KCNJ13: variants seen among roughly 807,000 people sequenced by gnomAD.
The protein encoded by KCNJ13 is potassium inwardly rectifying channel subfamily J member 13.
Under a neutral mutation model 24.6 loss-of-function variants are expected in KCNJ13, and 9 were observed. The observed-to-expected ratio is 0.37, with a 90% CI of 0.22 to 0.64. The LOEUF is 0.64. Among genes scored for constraint, KCNJ13 ranks in the 30% least tolerant of loss-of-function variants. KCNJ13 has a pLI of 0.64. For synonymous variants in KCNJ13, 148 were observed against 154.7 expected (o/e 0.96, Z 0.32); for missense variants, 337 against 443.8 (o/e 0.76, Z 2.16).
Position 232,767,915 on chromosome 2 carries a change from A to G in KCNJ13, c.*276T>C. 1 of 430,080 alleles carries G rather than the reference A, an allele frequency of 2.3e-6. No individual in the cohort carries two copies. The highest frequency in any genetic ancestry group is 4.3e-6 in the Non-Finnish European group (1 of 233,880). 26.6% of individuals were successfully genotyped at this position (430,080 alleles called of 1,614,324 possible). ...ATTTTGCCTTCATTACTAGTATCAT[A>G]CCACATTCTTATAAATTCACCAGCA... On this transcript the variant is annotated 3_prime_UTR_variant, in exon 3 of 3. Coordinates refer to ENST00000233826, the MANE Select transcript of KCNJ13 (RefSeq NM_002242.4).
chr2:232,774,176 A>C (rs1435203777), intron 1 of KCNJ13, among the ~76,000 whole-genome samples: 1 of 152,096 alleles, frequency 6.6e-6, no homozygotes, highest in Non-Finnish European at 1.5e-5. Context: ...GGTGGATATG[A>C]ATATTATACA....
At position 232,771,310 on chromosome 2, in the gene KCNJ13, C is replaced by T. The variant is rs144268831; in HGVS notation, c.53G>A (p.Arg18Gln). The change falls in exon 2 of 3, where the codon CGG (arginine) becomes CAG (glutamine). Residue 18 changes from arginine (R) to glutamine (Q), a missense_variant. By Grantham distance (43) the Arg-to-Gln change is conservative (BLOSUM62 1). This residue lies in a region of KCNJ13 where 101 missense variants were observed against 139.2 expected (regional missense o/e 0.73). Transcript: ENST00000233826. ...GTGGCCATCCTTGGTGACCATCCTC[C>T]GGTATCTTTGACTTAGGAGAGGAGC... ...VIAPLLSQRY[R>Q]RMVTKDGHST... 50 of 1,611,312 alleles carry T rather than the reference C, an allele frequency of 3.1e-5. No individual in the cohort carries two copies. The highest frequency in any genetic ancestry group is 9.9e-5 in the South Asian group (9 of 90,586).
Position 232,768,034 on chromosome 2 carries a change from A to T in KCNJ13, c.*157T>A. ...AGAGTGTTATGTTTCCAGAATGTGT[A>T]TTGTTAGCTCAGCCATTCTTATGTA... On this transcript the variant is annotated 3_prime_UTR_variant, in exon 3 of 3. Coordinates refer to ENST00000233826, the MANE Select transcript of KCNJ13 (RefSeq NM_002242.4). The T allele has an allele frequency of 1.4e-6, 1 of 691,936 alleles. No homozygotes were observed. Among genetic ancestry groups the T allele is most frequent in the Non-Finnish European group, 2.4e-6 (1 of 409,028 alleles). 42.9% of individuals were successfully genotyped at this position (691,936 alleles called of 1,614,324 possible).
At chr2:232,775,188 G>A (rs533754246) in intron 1 of KCNJ13, among the ~76,000 whole-genome samples, 1 of 152,072 alleles carries the variant, frequency 6.6e-6, no homozygotes, top group African/African-American at 2.4e-5. Flanking sequence ...TAACTATTCT[G>A]TGGACTCTTA....
chr2:232,772,694 C>T (rs1699317730), intron 1 of KCNJ13, among the ~76,000 whole-genome samples: 1 of 152,170 alleles, frequency 6.6e-6, no homozygotes, highest in African/African-American at 2.4e-5. Flanking sequence ...GAGTGAGCCT[C>T]TCTTGTTTGC....
In KCNJ13 at chr2:232,768,266, C is replaced by G; in HGVS notation, c.1008G>C (p.Arg336Ser). 6.2e-7 allele frequency: 1 copy of G among 1,614,004 alleles called. No individual in the cohort carries two copies. The highest frequency in any genetic ancestry group is 8.5e-7 in the Non-Finnish European group (1 of 1,179,894). ...CATTGATGTGGATATCCAGGTCAGTCCTGTTTGGGCTTTTAGAAACCAGAG... is the reference window on the plus strand; with the variant it reads ...CATTGATGTGGATATCCAGGTCAGTGCTGTTTGGGCTTTTAGAAACCAGAG... ...PTPLVSKSPN[R>S]TDLDIHINGQ... Residue 336 changes from arginine (R) to serine (S), a missense_variant, in exon 3 of 3, where the codon AGG becomes AGC. Arg to Ser is a moderately radical substitution (Grantham distance 110). Coordinates refer to ENST00000233826, the MANE Select transcript of KCNJ13 (RefSeq NM_002242.4).
At chr2:232,770,489 A>G (rs912457217) in intron 2 of KCNJ13, among the ~76,000 whole-genome samples, 1 of 152,254 alleles carries the variant, frequency 6.6e-6, no homozygotes, top group Non-Finnish European at 1.5e-5. Context: ...CAGTGAAGAA[A>G]AAAAACCAAA....
intron 1 of KCNJ13, among the ~76,000 whole-genome samples, chr2:232,773,038 G>GGGAT: frequency 6.6e-6 from 1 of 152,160 alleles, no homozygotes; most frequent in African/African-American, 2.4e-5. Flanking sequence ...ATGGAACACT[G>GGGAT]GGATGATTGT....
In KCNJ13 at chr2:232,771,115, C is replaced by T. The variant is rs763341185; in HGVS notation, c.248G>A (p.Gly83Asp). ...VLWYVLAEMN[G>D]DLELDHDAPP... ...GGCATCATGATCTAGTTCCAGATCACCATTCATCTCAGCCAGAACATACCA... is the reference window on the plus strand; with the variant it reads ...GGCATCATGATCTAGTTCCAGATCATCATTCATCTCAGCCAGAACATACCA... Residue 83 changes from glycine (G) to aspartate (D), a missense_variant, in exon 2 of 3, where the codon GGT becomes GAT. Gly to Asp is a moderately conservative substitution (Grantham distance 94). Transcript: ENST00000233826. 2 of 1,614,070 alleles carry T rather than the reference C, an allele frequency of 1.2e-6. No homozygotes were observed. Among genetic ancestry groups the T allele is most frequent in the Admixed American group, 1.7e-5 (1 of 59,980 alleles).
At chr2:232,768,947 CATT>C (rs1425321893) in intron 2 of KCNJ13, 134 bp from the exon 3 acceptor site, 1 of 724,680 alleles carries the variant, frequency 1.4e-6, no homozygotes, top group Non-Finnish European at 2.2e-6. Context: ...GAATTGAACT[CATT>C]GTTAATTTGG....
intron 2 of KCNJ13, among the ~76,000 whole-genome samples, chr2:232,770,213 T>C (rs1699176743): frequency 6.6e-6 from 1 of 152,238 alleles, no homozygotes; most frequent in South Asian, 2.1e-4. Context: ...CTTCTCAGAT[T>C]ATTATTGAAT....
chr2:232,768,134 A>G lies in KCNJ13; in HGVS notation c.*57T>C. ...AAAGAAAACATGAGATACAGTAAAG[A>G]AAAAGTAGCTGCATAACTGGCTGGG... is the stretch of plus-strand genomic sequence containing the variant. On this transcript the variant is annotated 3_prime_UTR_variant, in exon 3 of 3. Transcript: ENST00000233826. 1.9e-6 allele frequency: 3 copies of G among 1,566,608 alleles called. No individual in the cohort carries two copies. The highest frequency in any genetic ancestry group is 4.5e-5 in the East Asian group (2 of 44,604).
Position 232,768,191 on chromosome 2 carries a change from T to C in KCNJ13, c.1083A>G (p.Ter361=). 1.2e-6 allele frequency: 2 copies of C among 1,613,986 alleles called. No individual in the cohort carries two copies. Among genetic ancestry groups the C allele is most frequent in the Non-Finnish European group, 1.7e-6 (2 of 1,179,888 alleles). ...FQISETGLTE[*] is the part of the protein sequence containing the mutation. ...TAATACATTAAAAAATGGATAAGTCTTATTCTGTCAGTCCTGTTTCAGAGA... is the reference window on the plus strand; with the variant it reads ...TAATACATTAAAAAATGGATAAGTCCTATTCTGTCAGTCCTGTTTCAGAGA... Residue 361 remains the stop codon, a stop_retained_variant, in exon 3 of 3, where the codon TAA becomes TAG. Coordinates refer to ENST00000233826, the MANE Select transcript of KCNJ13 (RefSeq NM_002242.4).
intron 2 of KCNJ13, 40 bp downstream of exon 2, chr2:232,770,857 GTTTTGT>G (rs763335927): frequency 4.3e-6 from 6 of 1,390,480 alleles, no homozygotes; most frequent in South Asian, 1.2e-5. Flanking sequence ...GTTTTGTTTT[GTTTTGT>G]TTTTGTTTTT....
In KCNJ13 at chr2:232,770,958, G is replaced by A. The variant is rs772329921; in HGVS notation, c.405C>T (p.Ile135=). 9.3e-6 allele frequency: 15 copies of A among 1,613,892 alleles called. No individual in the cohort carries two copies. The highest frequency in any genetic ancestry group is 4.5e-5 in the East Asian group (2 of 44,880). ...MFPSGDCPSA[I]ALLAIQMLLG... ...GGAGCATTTGTATGGCAAGTAAGGC[G>A]ATTGCACTTGGACAGTCACCACTGG... Residue 135 remains isoleucine, a synonymous_variant, in exon 2 of 3, where the codon ATC becomes ATT. Coordinates refer to ENST00000233826, the MANE Select transcript of KCNJ13 (RefSeq NM_002242.4).
At chr2:232,772,470 A>G (rs188435608) in intron 1 of KCNJ13, among the ~76,000 whole-genome samples, 1 of 152,362 alleles carries the variant, frequency 6.6e-6, no homozygotes, top group Admixed American at 6.5e-5. Context: ...ATAATCATTA[A>G]GGGGTTAAAT....
intron 1 of KCNJ13, among the ~76,000 whole-genome samples, chr2:232,771,608 A>G (rs573909432): frequency 3.3e-5 from 5 of 152,324 alleles, no homozygotes; most frequent in African/African-American, 1.2e-4. Flanking sequence ...AATGACAGTT[A>G]AAACATTGTT....
chr2:232,774,864 T>C (rs1451417889), intron 1 of KCNJ13, among the ~76,000 whole-genome samples: 1 of 152,210 alleles, frequency 6.6e-6, no homozygotes, highest in Non-Finnish European at 1.5e-5. Flanking sequence ...TTAGAGCCTT[T>C]CTGTATAGAC....
Position 232,768,139 on chromosome 2 carries a change from G to A in KCNJ13, c.*52C>T. The A allele has an allele frequency of 6.3e-7, 1 of 1,578,350 alleles. No individual in the cohort carries two copies. The highest frequency in any genetic ancestry group is 8.7e-7 in the Non-Finnish European group (1 of 1,149,548). On this transcript the variant is annotated 3_prime_UTR_variant, in exon 3 of 3. Transcript: ENST00000233826. ...AAACATGAGATACAGTAAAGAAAAA[G>A]TAGCTGCATAACTGGCTGGGTGTAT...
Sources: gnomAD v4.1 joint callset for allele counts (sites outside exome capture counted in the v4.1 genomes callset) on GRCh38, gnomAD v4.1.1 for gene constraint, gnomAD v4.1.1 regional missense constraint, MANE v1.5 for transcripts, NCBI Gene and HGNC (gene_info 2026-07-23, HGNC 2026-07-21) for gene names.